Variants in ATXN1 observed in about 807,000 individuals in gnomAD.
ATXN1 encodes the protein ataxin-1.
Under a neutral mutation model 56.4 loss-of-function variants are expected in ATXN1, and 8 were observed. The ratio of observed to expected loss-of-function variants is 0.14; its 90% CI spans 0.08 to 0.26. The LOEUF is 0.26. Among genes scored for constraint, ATXN1 ranks in the 10% least tolerant of loss-of-function variants. The pLI is 1.00. For synonymous variants in ATXN1, 514 were observed against 494.6 expected, an observed-to-expected ratio of 1.04 and a Z score of -0.52; for missense variants, 987 against 1,106.5, an observed-to-expected ratio of 0.89 and a Z score of 1.53.
At chr6:16,701,399 G>A (rs910097335) in intron 2 of ATXN1, among the ~76,000 whole-genome samples, 5 of 152,142 alleles carry the variant, frequency 3.3e-5, no homozygotes, top group Non-Finnish European at 7.4e-5. Context: ...AGAAGGAGTA[G>A]GCTGTCTTTA....
At chr6:16,449,140 C>T (rs1342756520) in intron 6 of ATXN1, among the ~76,000 whole-genome samples, 1 of 151,856 alleles carries the variant, frequency 6.6e-6, no homozygotes, top group Non-Finnish European at 1.5e-5. Flanking sequence ...GCTACCATTG[C>T]TTTTTTTAAA....
At chr6:16,536,971 C>A (rs912082458) in intron 4 of ATXN1, among the ~76,000 whole-genome samples, 1 of 151,862 alleles carries the variant, frequency 6.6e-6, no homozygotes, top group African/African-American at 2.4e-5. Context: ...ATTTATTTTA[C>A]AATTTCCATA....
chr6:16,400,914 T>A (rs1758554373), intron 6 of ATXN1, among the ~76,000 whole-genome samples: 1 of 152,176 alleles, frequency 6.6e-6, no homozygotes, highest in Admixed American at 6.5e-5. Context: ...GGCCAATCCG[T>A]GGAAATGAAG....
In ATXN1 at chr6:16,416,804, C is replaced by T. The variant is rs548994280; in HGVS notation, c.-161+69168G>A. Reference sequence around the variant, plus strand: ...GCCGAGCTGGTACACACTGGAATTCCTGAATTCCTCTAGTAGGCCTTTAGT... The same window carrying T: ...GCCGAGCTGGTACACACTGGAATTCTTGAATTCCTCTAGTAGGCCTTTAGT... On this transcript the variant is annotated intron_variant, in intron 6 of 7. Transcript: ENST00000436367. 5.3e-5 allele frequency among the ~76,000 whole-genome samples: 8 copies of T among 152,268 alleles called. No individual in the cohort carries two copies. In the East Asian group the frequency reaches 1.5e-3, roughly 29 times the overall value.
At chr6:16,549,556 C>A (rs1246410305) in intron 4 of ATXN1, among the ~76,000 whole-genome samples, 1 of 152,124 alleles carries the variant, frequency 6.6e-6, no homozygotes, top group Non-Finnish European at 1.5e-5. Flanking sequence ...ACAGAGGATA[C>A]CACCGATGCC....
At chr6:16,733,750 G>A (rs904351110) in intron 2 of ATXN1, among the ~76,000 whole-genome samples, 2 of 152,224 alleles carry the variant, frequency 1.3e-5, no homozygotes, top group African/African-American at 4.8e-5. Flanking sequence ...GGGAGGCTGA[G>A]GCAGGAGAAT....
intron 2 of ATXN1, among the ~76,000 whole-genome samples, chr6:16,666,296 T>C (rs1758422826): frequency 6.6e-6 from 1 of 152,240 alleles, no homozygotes; most frequent in Non-Finnish European, 1.5e-5. Context: ...TCCAGCCATG[T>C]TGTTACAAAT....
chr6:16,357,949 C>T (rs568106435), intron 6 of ATXN1, among the ~76,000 whole-genome samples: 78 of 152,224 alleles, frequency 5.1e-4, no homozygotes, highest in Non-Finnish European at 9.0e-4. Context: ...GATAAACATA[C>T]AGGAACTCTC....
At chr6:16,627,904 C>G (rs139912409) in intron 3 of ATXN1, among the ~76,000 whole-genome samples, 1 of 152,230 alleles carries the variant, frequency 6.6e-6, no homozygotes, top group Non-Finnish European at 1.5e-5. Context: ...AAGAATGGCT[C>G]CATACATTGT....
At chr6:16,406,459 T>C (rs780692722) in intron 6 of ATXN1, among the ~76,000 whole-genome samples, 1 of 152,238 alleles carries the variant, frequency 6.6e-6, no homozygotes, top group Non-Finnish European at 1.5e-5. Context: ...CTAGACACCC[T>C]ATTTCCTTAA....
chr6:16,630,943 A>G (rs557701211), intron 3 of ATXN1, among the ~76,000 whole-genome samples: 7 of 152,320 alleles, frequency 4.6e-5, no homozygotes, highest in African/African-American at 1.7e-4. Context: ...GCTATAGTGA[A>G]AATTTCAGGG....
chr6:16,671,811 G>A (rs891432293), intron 2 of ATXN1, among the ~76,000 whole-genome samples: 1 of 152,094 alleles, frequency 6.6e-6, no homozygotes, highest in Non-Finnish European at 1.5e-5. Context: ...ATTTGAATAC[G>A]TCAAAACACA....
Position 16,760,534 on chromosome 6 carries a change from C to T in ATXN1, c.-730+764G>A, listed in dbSNP as rs1262834423. ...GCTCCAGGCACCCGCACACCCGCTA[C>T]CCCCGCGCGGTCCCCGAGGCCACCC... is the stretch of plus-strand genomic sequence containing the variant. On this transcript the variant is annotated intron_variant, in intron 1 of 7. Transcript: ENST00000436367. The surrounding 1 kb of genome is among the most constrained non-coding windows in gnomAD (Gnocchi z 5.3). Among the ~76,000 whole-genome samples the T allele has an allele frequency of 1.3e-5, 2 of 151,260 alleles. No individual in the cohort carries two copies. Among genetic ancestry groups the T allele is most frequent in the African/African-American group, 2.4e-5 (1 of 41,284 alleles).
At chr6:16,654,191 T>C (rs769416643) in intron 3 of ATXN1, among the ~76,000 whole-genome samples, 4 of 152,092 alleles carry the variant, frequency 2.6e-5, no homozygotes, top group Admixed American at 6.6e-5. Flanking sequence ...ACTCACAGAG[T>C]AATGCACAGC....
intron 7 of ATXN1, among the ~76,000 whole-genome samples, chr6:16,315,244 A>T (rs1215328182): frequency 6.6e-6 from 1 of 152,090 alleles, no homozygotes. Flanking sequence ...ATGGTATCCC[A>T]TTCTTCCGGC....
chr6:16,428,307 C>T (rs548019677), intron 6 of ATXN1, among the ~76,000 whole-genome samples: 3 of 151,700 alleles, frequency 2.0e-5, no homozygotes, highest in Admixed American at 1.3e-4. Context: ...TTAGTTGCGA[C>T]GGGGTTTCAC....
chr6:16,552,578 G>A (rs1394219736), intron 4 of ATXN1, among the ~76,000 whole-genome samples: 1 of 152,162 alleles, frequency 6.6e-6, no homozygotes, highest in Non-Finnish European at 1.5e-5. Context: ...AATTAGAAGT[G>A]TAGGTGGGTT....
At chr6:16,725,598 G>A (rs1051917805) in intron 2 of ATXN1, among the ~76,000 whole-genome samples, 5 of 152,172 alleles carry the variant, frequency 3.3e-5, no homozygotes, top group Admixed American at 2.6e-4. Context: ...TAGTTTTAAA[G>A]TATTTCTCTT....
chr6:16,663,172 T>C (rs138540726), intron 2 of ATXN1, among the ~76,000 whole-genome samples: 2,137 of 152,188 alleles, frequency 0.014, 33 homozygotes, highest in Middle Eastern at 0.027. Flanking sequence ...TTTCACCATG[T>C]TGGTCAGGCT....
Sources: allele counts gnomAD v4.1 joint callset (sites outside exome capture counted in the v4.1 genomes callset), GRCh38; gene constraint gnomAD v4.1.1; non-coding constraint Gnocchi (gnomAD v3.1); transcripts MANE v1.5; gene names NCBI Gene and HGNC (gene_info 2026-07-23, HGNC 2026-07-21).